PHF3: variants seen among roughly 807,000 people sequenced by gnomAD.
The protein encoded by PHF3 is PHD finger protein 3.
Under a neutral mutation model 178.4 loss-of-function variants are expected in PHF3, and 41 were observed. The observed-to-expected ratio is 0.23, with a 90% confidence interval of 0.18 to 0.30. The LOEUF is 0.30. Ranked by LOEUF, PHF3 falls within the 10% of genes least tolerant of loss-of-function variation. PHF3 has a pLI of 1.00. For missense variants in PHF3, 2,346 were observed against 2,398.1 expected (o/e 0.98, Z 0.45); for synonymous variants, 842 against 800.5 (o/e 1.05, Z -0.88).
Position 63,721,836 on chromosome 6 carries a change from A to G in PHF3, c.*8128A>G. 6.7e-7 allele frequency: 1 copy of G among 1,498,676 alleles called. No homozygotes were observed. The highest frequency in any genetic ancestry group is 8.9e-7 in the Non-Finnish European group (1 of 1,124,358). The allele number at this position is 1,498,676 out of a possible 1,614,324, so 92.8% of individuals were successfully genotyped here. A position where few individuals can be genotyped will look rare whatever the true frequency, so the allele number is the denominator to read the frequency against. On this transcript the variant is annotated 3_prime_UTR_variant, in exon 16 of 16. Coordinates refer to ENST00000262043, the MANE Select transcript of PHF3 (RefSeq NM_001370348.2). The stretch of plus-strand genomic sequence containing the variant: ...AACAGTAAGTTTGATTAGCAACAGT[A>G]AAAGTTTCCATTGAAAACTTTTGCT...
chr6:63,694,399 C>T (rs551450380), intron 5 of PHF3, among the ~76,000 whole-genome samples, 182 bp from the exon 6 acceptor site: 13 of 152,248 alleles, frequency 8.5e-5, no homozygotes, highest in East Asian at 1.9e-4. Context: ...AACATGATCT[C>T]TATGTCCTTT....
Position 63,684,939 on chromosome 6 carries a change from A to C in PHF3, c.1217A>C (p.Glu406Ala), listed in dbSNP as rs1766612909. Residue 406 changes from glutamate to alanine, a missense_variant, in exon 4 of 16, where the codon GAG becomes GCG. Physicochemically the swap from Glu to Ala is moderately radical, Grantham distance 107. This residue lies in a region of PHF3 where 843 missense variants were observed against 795.2 expected (regional missense o/e 1.06). Transcript: ENST00000262043. ...CCGTTGGGTTATTGTGAAGATGCGGAGTCTAATAGGCAGTTGGAGAGCACT... is the reference window on the plus strand; with the variant it reads ...CCGTTGGGTTATTGTGAAGATGCGGCGTCTAATAGGCAGTTGGAGAGCACT... ...IEPLGYCEDA[E>A]SNRQLESTEF... 7 of 1,614,128 alleles carry C rather than the reference A, an allele frequency of 4.3e-6. 2 individuals are homozygous for C.
At chr6:63,636,841 A>G (rs1028393942) in intron 1 of PHF3, 12 of 152,146 alleles carry the variant, frequency 7.9e-5, no homozygotes, top group African/African-American at 2.9e-4. Flanking sequence ...TAATGGTGCT[A>G]AATAACTGAT....
rs553533306 is a variant in PHF3 at position 63,718,011 on chromosome 6, A to G, written c.*4303A>G. ...ATTTCGTACTGGAAAAGCATTTCAC[A>G]TAGGAAATCGTCAACACCATTATCA... On this transcript the variant is annotated 3_prime_UTR_variant, in exon 16 of 16. Transcript: ENST00000262043. Among the ~76,000 whole-genome samples the G allele has an allele frequency of 4.7e-4, 71 of 152,188 alleles. No individual in the cohort carries two copies. The highest frequency in any genetic ancestry group is 7.9e-4 in the Non-Finnish European group (54 of 67,946).
At position 63,699,339 on chromosome 6, in the gene PHF3, C is replaced by T. The variant is rs530608038; in HGVS notation, c.2982+734C>T. Among the ~76,000 whole-genome samples, 95 of 152,288 alleles carry T rather than the reference C, an allele frequency of 6.2e-4. 1 individual carries two copies. In the South Asian group the frequency reaches 7.1e-3, roughly 11 times the overall value. ...ACCTAGGTCCACCAGCAGTTTTTTGCTATAGATTACTCTAGGTAACAGAAT... is the reference window on the plus strand; with the variant it reads ...ACCTAGGTCCACCAGCAGTTTTTTGTTATAGATTACTCTAGGTAACAGAAT... On this transcript the variant is annotated intron_variant, in intron 8 of 15. Coordinates refer to ENST00000262043, the MANE Select transcript of PHF3 (RefSeq NM_001370348.2).
chr6:63,658,296 G>C (rs544735050), intron 2 of PHF3, among the ~76,000 whole-genome samples: 3 of 152,120 alleles, frequency 2.0e-5, no homozygotes, highest in African/African-American at 7.2e-5. Flanking sequence ...TTTCTGTTCA[G>C]TTTTCTCTTC....
At chr6:63,638,253 G>T (rs958545740) in intron 1 of PHF3, among the ~76,000 whole-genome samples, 6 of 152,098 alleles carry the variant, frequency 3.9e-5, no homozygotes, top group Non-Finnish European at 8.8e-5. Flanking sequence ...ACTTATAAAA[G>T]TTGGGAGGCA....
intron 2 of PHF3, among the ~76,000 whole-genome samples, chr6:63,672,907 C>T (rs925905464): frequency 1.9e-4 from 29 of 152,104 alleles, no homozygotes; most frequent in African/African-American, 6.0e-4. Flanking sequence ...ACCTCACTGC[C>T]GATTTCTGTA....
In PHF3 at chr6:63,685,765, T is replaced by C. The variant is rs2149584989; in HGVS notation, c.2043T>C (p.Phe681=). 1.2e-6 allele frequency: 2 copies of C among 1,614,118 alleles called. 1 individual carries two copies. Residue 681 remains phenylalanine, a synonymous_variant, in exon 4 of 16, where the codon TTT becomes TTC. Coordinates refer to ENST00000262043, the MANE Select transcript of PHF3 (RefSeq NM_001370348.2). ...QPRQRRSSKS[F]SLDEPPLFIP... ...GCCAAAGAAGAAGCAGCAAAAGTTT[T>C]TCTTTAGATGAGCCACCATTGTTCA... is the stretch of plus-strand genomic sequence containing the variant.
chr6:63,714,630 ATGAATTG>A lies in PHF3; in HGVS notation c.*925_*931del, dbSNP rs1204284453. ...TTAAAATCTTAAATTGTAGGCTGAG[ATGAATTG>A]TGTAGTTCTAAAGAGGCTAGAATTT... On this transcript the variant is annotated 3_prime_UTR_variant, in exon 16 of 16. Coordinates refer to ENST00000262043, the MANE Select transcript of PHF3 (RefSeq NM_001370348.2). The A allele has an allele frequency of 6.6e-6, 1 of 152,246 alleles. No individual in the cohort carries two copies. The highest frequency in any genetic ancestry group is 6.6e-5 in the Admixed American group (1 of 15,234). The allele number at this position is 152,246 out of a possible 1,614,324, so 9.4% of individuals were successfully genotyped here.
Position 63,640,829 on chromosome 6 carries a change from G to C in PHF3, c.-26+4679G>C, listed in dbSNP as rs1764540843. ...AGAGCAGAATTTCTTAAACTTGACT[G>C]TTGACATTTTTGGCTGGATAATTTT... On this transcript the variant is annotated intron_variant, in intron 1 of 15. Transcript: ENST00000262043. 1.3e-5 allele frequency among the ~76,000 whole-genome samples: 2 copies of C among 152,170 alleles called. 1 individual carries two copies. The highest frequency in any genetic ancestry group is 4.1e-4 in the South Asian group (2 of 4,832).
In PHF3 at chr6:63,712,694, T is replaced by C; in HGVS notation, c.5106T>C (p.Cys1702=). 1 of 1,613,958 alleles carries C rather than the reference T, an allele frequency of 6.2e-7. No homozygotes were observed. The highest frequency in any genetic ancestry group is 8.5e-7 in the Non-Finnish European group (1 of 1,179,962). The stretch of plus-strand genomic sequence containing the variant: ...AAATCAATGTAGAGGAAAAGTTGTG[T>C]TCTGCAGAGAAAAACTCGTGTGTTC... ...TEQINVEEKL[C]SAEKNSCVQQ... The change falls in exon 16 of 16, where the codon TGT becomes TGC. Residue 1702 remains cysteine (C), a synonymous_variant. Coordinates refer to ENST00000262043, the MANE Select transcript of PHF3 (RefSeq NM_001370348.2).
At chr6:63,688,617 A>G (rs1490929694) in intron 4 of PHF3, among the ~76,000 whole-genome samples, 1 of 151,890 alleles carries the variant, frequency 6.6e-6, no homozygotes, top group Non-Finnish European at 1.5e-5. Flanking sequence ...TTACAGGCAC[A>G]AGCCATGGCG....
chr6:63,697,424 A>G (rs1767280626), intron 6 of PHF3, among the ~76,000 whole-genome samples: 1 of 152,220 alleles, frequency 6.6e-6, no homozygotes, highest in Non-Finnish European at 1.5e-5. Context: ...TTATTAGGAA[A>G]AGTTAATAGG....
intron 9 of PHF3, 33 bp downstream of exon 9, chr6:63,700,499 CAA>C (rs999452027): frequency 1.7e-6 from 2 of 1,158,678 alleles, no homozygotes; most frequent in African/African-American, 3.1e-5. Flanking sequence ...ATTTGACTAT[CAA>C]AATCTATGTT....
chr6:63,721,388 G>A lies in PHF3; in HGVS notation c.*7680G>A. ...ATTCACCTCCATTTCTGCATGTGTT[G>A]TACCCACAGGCTGTCCCATCACAGT... On this transcript the variant is annotated 3_prime_UTR_variant, in exon 16 of 16. Coordinates refer to ENST00000262043, the MANE Select transcript of PHF3 (RefSeq NM_001370348.2). 1 of 1,551,614 alleles carries A rather than the reference G, an allele frequency of 6.4e-7. No homozygotes were observed. The highest frequency in any genetic ancestry group is 8.7e-7 in the Non-Finnish European group (1 of 1,146,844).
Position 63,654,115 on chromosome 6 carries a change from A to C in PHF3, c.244+7320A>C, listed in dbSNP as rs141573633. Among the ~76,000 whole-genome samples, 281 of 152,258 alleles carry C rather than the reference A, an allele frequency of 1.8e-3. 3 individuals carry two copies. The highest frequency in any genetic ancestry group is 6.3e-3 in the African/African-American group (263 of 41,546). ...TGTGTTTTTGTCTGGTTTTGGTATC[A>C]GGGTACTGTTAGCCACACAGAATGG... On this transcript the variant is annotated intron_variant, in intron 2 of 15. Transcript: ENST00000262043.
intron 2 of PHF3, among the ~76,000 whole-genome samples, chr6:63,656,072 A>G (rs575486122): frequency 6.6e-6 from 1 of 152,382 alleles, no homozygotes; most frequent in East Asian, 1.9e-4. Flanking sequence ...CTTTTAATGT[A>G]AACACTAAAG....
rs750174343 is a variant in PHF3 at position 63,703,660 on chromosome 6, A to C, written c.3356A>C (p.Lys1119Thr). The change falls in exon 11 of 16, where the codon AAA (lysine) becomes ACA (threonine). Residue 1119 changes from lysine to threonine, a missense_variant. Lys to Thr is a moderately conservative substitution (Grantham distance 78). Transcript: ENST00000262043. ...HRQHLFDLNC[K>T]ICIGRMAPPV... ...CAGCATCTTTTTGATCTCAACTGCAAAATCTGCATAGGTAATTGGAAGTTT... is the reference window on the plus strand; with the variant it reads ...CAGCATCTTTTTGATCTCAACTGCACAATCTGCATAGGTAATTGGAAGTTT... 3 of 1,598,218 alleles carry C rather than the reference A, an allele frequency of 1.9e-6. No individual in the cohort carries two copies. Among genetic ancestry groups the C allele is most frequent in the Non-Finnish European group, 8.5e-7 (1 of 1,175,946 alleles).
Sources: allele counts gnomAD v4.1 joint callset (sites outside exome capture counted in the v4.1 genomes callset), GRCh38; gene constraint gnomAD v4.1.1; regional missense constraint gnomAD v4.1.1; transcripts MANE v1.5; gene names NCBI Gene and HGNC (gene_info 2026-07-23, HGNC 2026-07-21).